The following ZNF106 variants were observed in gnomAD, a reference collection of about 807,000 sequenced individuals.
The protein encoded by ZNF106 is zinc finger protein 106, also known as SH3-domain binding protein 3.
Under a neutral mutation model 195.1 loss-of-function variants are expected in ZNF106, and 67 were observed. The observed-to-expected ratio is 0.34, with a 90% confidence interval of 0.28 to 0.42. The LOEUF (loss-of-function observed/expected upper bound fraction) is 0.42. Ranked by LOEUF, ZNF106 falls within the 10% of genes least tolerant of loss-of-function variation. The pLI is 1.00. For synonymous variants in ZNF106, 784 were observed against 818.6 expected, an observed-to-expected ratio of 0.96 and a Z score of 0.72; for missense variants, 2,118 against 2,304.5, an observed-to-expected ratio of 0.92 and a Z score of 1.66.
At chr15:42,418,336 T>C (rs1030195137) in intron 20 of ZNF106, among the ~76,000 whole-genome samples, 6 of 151,826 alleles carry the variant, frequency 4.0e-5, no homozygotes, top group African/African-American at 1.5e-4. Flanking sequence ...GGCAAATACC[T>C]TTCCTATAAT....
At chr15:42,433,793 C>T (rs555841911) in intron 14 of ZNF106, among the ~76,000 whole-genome samples, 20 of 152,268 alleles carry the variant, frequency 1.3e-4, no homozygotes, top group Admixed American at 7.2e-4. Flanking sequence ...AAACCATCTG[C>T]ATCAGTATCA....
intron 20 of ZNF106, among the ~76,000 whole-genome samples, chr15:42,418,532 A>AT (rs1162999546): frequency 0.028 from 2,733 of 96,210 alleles, 125 homozygotes; most frequent in Admixed American, 0.037. Flanking sequence ...CGGCCAGTTA[A>AT]TTTTTTTTTT....
chr15:42,437,092 G>A, intron 13 of ZNF106, 140 bp downstream of exon 13: 1 of 827,478 alleles, frequency 1.2e-6, no homozygotes, highest in Admixed American at 3.1e-5. Flanking sequence ...TGAGCTTCTG[G>A]ATTAAATGCA....
chr15:42,431,389 CTTT>C (rs552325544), intron 14 of ZNF106, among the ~76,000 whole-genome samples: 6 of 121,084 alleles, frequency 5.0e-5, no homozygotes, highest in Admixed American at 1.6e-4. Context: ...TTATACGGTT[CTTT>C]TTTTTTTTTT....
At position 42,451,790 on chromosome 15, in the gene ZNF106, C is replaced by T; in HGVS notation, c.482G>A (p.Gly161Asp). 1 of 1,614,184 alleles carries T rather than the reference C, an allele frequency of 6.2e-7. No homozygotes were observed. Among genetic ancestry groups the T allele is most frequent in the South Asian group, 1.1e-5 (1 of 91,084 alleles). The change falls in exon 5 of 22, where the codon GGC becomes GAC. Residue 161 changes from glycine (G) to aspartate (D), a missense_variant. By Grantham distance (94) the Gly-to-Asp change is moderately conservative. Coordinates refer to ENST00000564754, the MANE Select transcript of ZNF106 (RefSeq NM_001366845.3). ...GCTGTTTTTCCTAGTATTATTAAAG[C>T]CATCTTTTTCCCATTTCCAATCCCG... ...PQRDWKWEKD[G>D]FNNTRKNSFP... is the part of the protein sequence containing the mutation.
At position 42,413,720 on chromosome 15, in the gene ZNF106, G is replaced by A. The variant is rs2054347207; in HGVS notation, c.*3584C>T. On this transcript the variant is annotated 3_prime_UTR_variant, in exon 22 of 22. Transcript: ENST00000564754. ...TGCCTCTAAATTAAAGGTAAGTCAG[G>A]AGCTGAACACTCAACTGTTAACTCT... is the stretch of plus-strand genomic sequence containing the variant. 1 of 152,590 alleles carries A rather than the reference G, an allele frequency of 6.6e-6. No homozygotes were observed. The highest frequency in any genetic ancestry group is 1.5e-5 in the Non-Finnish European group (1 of 68,032). 9.5% of individuals were successfully genotyped at this position (152,590 alleles called of 1,614,324 possible). A position where few individuals can be genotyped will look rare whatever the true frequency, so the allele number is the denominator to read the frequency against.
Position 42,442,270 on chromosome 15 carries a change from T to G in ZNF106, c.3566A>C (p.His1189Pro). ...FPLFLEPPSSHVSPSPTGASL... is the reference protein window; with the variant it reads ...FPLFLEPPSSPVSPSPTGASL... ...GGCTCCGGTGGGTGATGGAGACACA[T>G]GGGAAGATGGAGGCTCCAGAAAAAG... The change falls in exon 10 of 22, where the codon CAT becomes CCT. Residue 1189 changes from histidine to proline, a missense_variant. Physicochemically the swap from His to Pro is moderately conservative, Grantham distance 77 (BLOSUM62 -2). Transcript: ENST00000564754. 6.2e-7 allele frequency: 1 copy of G among 1,613,984 alleles called. No homozygotes were observed. The highest frequency in any genetic ancestry group is 8.5e-7 in the Non-Finnish European group (1 of 1,180,012).
intron 20 of ZNF106, among the ~76,000 whole-genome samples, chr15:42,419,242 C>G (rs1386636507): frequency 1.3e-5 from 2 of 152,046 alleles, no homozygotes; most frequent in African/African-American, 4.8e-5. Context: ...TGGCATGTGC[C>G]TGTAATCTCA....
Position 42,450,035 on chromosome 15 carries a change from C to T in ZNF106, c.2237G>A (p.Gly746Asp). 1 of 1,614,140 alleles carries T rather than the reference C, an allele frequency of 6.2e-7. No homozygotes were observed. ...GPLLPELSKL[G>D]FPASLQRDLT... is the part of the protein sequence containing the mutation. ...ATCCCTCTGAAGTGAGGCAGGAAAG[C>T]CAAGCTTACTTAGTTCAGGCAGGAG... Residue 746 changes from glycine to aspartate, a missense_variant, in exon 5 of 22, where the codon GGC becomes GAC. By Grantham distance (94) the Gly-to-Asp change is moderately conservative. Coordinates refer to ENST00000564754, the MANE Select transcript of ZNF106 (RefSeq NM_001366845.3).
At chr15:42,431,877 G>A (rs1303021938) in intron 14 of ZNF106, among the ~76,000 whole-genome samples, 1 of 151,898 alleles carries the variant, frequency 6.6e-6, no homozygotes, top group East Asian at 2.0e-4. Context: ...GCCTCCCAAA[G>A]TGCTGGGATT....
chr15:42,477,579 C>T (rs2056810604), intron 1 of ZNF106, among the ~76,000 whole-genome samples: 1 of 152,072 alleles, frequency 6.6e-6, no homozygotes. Context: ...TTCGTGTATC[C>T]ACAAAAAAAT....
At chr15:42,460,004 C>T (rs966090379) in intron 3 of ZNF106, among the ~76,000 whole-genome samples, 9 of 151,078 alleles carry the variant, frequency 6.0e-5, no homozygotes, top group Non-Finnish European at 1.2e-4. Context: ...GATCACTCCA[C>T]TGCACTCCAG....
chr15:42,451,708 C>T lies in ZNF106; in HGVS notation c.564G>A (p.Lys188=), dbSNP rs1456536684. The change falls in exon 5 of 22, where the codon AAG becomes AAA. Residue 188 remains lysine (K), a synonymous_variant. Transcript: ENST00000564754. The part of the protein sequence containing the change: ...GGPRGRSGWH[K]GVAGGSSTWF... ...AAGTCGAGGAGCCTCCTGCAACACCCTTATGCCACCCGGAACGTCCTCTTG... is the reference window on the plus strand; with the variant it reads ...AAGTCGAGGAGCCTCCTGCAACACCTTTATGCCACCCGGAACGTCCTCTTG... The T allele has an allele frequency of 1.2e-6, 2 of 1,614,096 alleles. No individual in the cohort carries two copies. The highest frequency in any genetic ancestry group is 1.7e-6 in the Non-Finnish European group (2 of 1,180,050).
chr15:42,484,660 C>T (rs1372848918), intron 1 of ZNF106, among the ~76,000 whole-genome samples: 3 of 152,184 alleles, frequency 2.0e-5, no homozygotes, highest in African/African-American at 7.2e-5. Context: ...ATTGCTTGAA[C>T]CTGGGAGGCA....
chr15:42,468,068 CTTTTTT>C (rs200457966), intron 2 of ZNF106, among the ~76,000 whole-genome samples: 20 of 102,132 alleles, frequency 2.0e-4, no homozygotes, highest in Admixed American at 9.4e-4. Flanking sequence ...TTCAAAACGC[CTTTTTT>C]TTTTTTTTTT....
chr15:42,488,709 C>T (rs1251401732), intron 1 of ZNF106, among the ~76,000 whole-genome samples: 2 of 152,198 alleles, frequency 1.3e-5, no homozygotes, highest in East Asian at 3.8e-4. Context: ...AGCCTTCAGA[C>T]TACACGTGCA....
chr15:42,427,951 T>C lies in ZNF106; in HGVS notation c.4998+67A>G. The C allele has an allele frequency of 3.7e-6, 5 of 1,358,706 alleles. 1 individual carries two copies. In the South Asian group the frequency reaches 6.0e-5, roughly 16 times the overall value. 84.2% of individuals were successfully genotyped at this position (1,358,706 alleles called of 1,614,324 possible). ...TAGGAAAATCCCTGCCTGCTACTTC[T>C]TCCCACACATGCTCACACTGTTTTC... On this transcript the variant is annotated intron_variant, in intron 15 of 21. Transcript: ENST00000564754.
intron 3 of ZNF106, among the ~76,000 whole-genome samples, chr15:42,458,429 C>T (rs1031740875): frequency 1.3e-5 from 2 of 151,106 alleles, no homozygotes; most frequent in Admixed American, 6.6e-5. Context: ...AAAAAAAGGC[C>T]GGGCTTGGTG....
At chr15:42,421,039 C>T (rs780921376) in intron 20 of ZNF106, 22 bp downstream of exon 20, 4 of 1,612,016 alleles carry the variant, frequency 2.5e-6, no homozygotes, top group African/African-American at 2.7e-5. Flanking sequence ...AGTCCAGTGA[C>T]AGGAAGAGTT....
Sources: allele counts gnomAD v4.1 joint callset (sites outside exome capture counted in the v4.1 genomes callset), GRCh38; gene constraint gnomAD v4.1.1; transcripts MANE v1.5; gene names NCBI Gene and HGNC (gene_info 2026-07-23, HGNC 2026-07-21).